The following EPHA3 variants were observed in gnomAD, a reference collection of about 807,000 sequenced individuals.
The protein encoded by EPHA3 is ephrin type-A receptor 3.
Under a neutral mutation model 107.1 loss-of-function variants are expected in EPHA3, and 42 were observed. That is an observed-to-expected ratio of 0.39 (90% CI 0.31 to 0.51). The LOEUF (loss-of-function observed/expected upper bound fraction) is 0.51. Ranked by LOEUF, EPHA3 falls within the 20% of genes least tolerant of loss-of-function variation. EPHA3 has a pLI of 0.78. For missense variants in EPHA3, 1,183 were observed against 1,211.2 expected (o/e 0.98, Z 0.35); for synonymous variants, 461 against 424.8 (o/e 1.09, Z -1.05).
At chr3:89,322,458 G>A (rs1433632599) in intron 3 of EPHA3, among the ~76,000 whole-genome samples, 5 of 152,030 alleles carry the variant, frequency 3.3e-5, no homozygotes, top group East Asian at 1.9e-4. Context: ...TCACCTTAGC[G>A]ATGGTACTGT....
intron 11 of EPHA3, among the ~76,000 whole-genome samples, chr3:89,426,165 G>T (rs926279421): frequency 6.6e-6 from 1 of 151,668 alleles, no homozygotes; most frequent in African/African-American, 2.4e-5. Flanking sequence ...GGAGGAAGAC[G>T]ATCATGTCAT....
chr3:89,454,058 G>C (rs1221978994), intron 15 of EPHA3, among the ~76,000 whole-genome samples: 1 of 151,918 alleles, frequency 6.6e-6, no homozygotes, highest in Non-Finnish European at 1.5e-5. Context: ...ATCACCAGGG[G>C]AACCTATTAC....
At chr3:89,212,183 A>G (rs1203034725) in intron 3 of EPHA3, among the ~76,000 whole-genome samples, 1 of 152,024 alleles carries the variant, frequency 6.6e-6, no homozygotes, top group Non-Finnish European at 1.5e-5. Flanking sequence ...TATGACTTTT[A>G]TTTAAATACA....
At chr3:89,459,545 T>TCTTC (rs1710177321) in intron 15 of EPHA3, among the ~76,000 whole-genome samples, 2 of 150,488 alleles carry the variant, frequency 1.3e-5, no homozygotes, top group African/African-American at 5.0e-5. Context: ...TTTCTTCCTT[T>TCTTC]CTTTCTTTCT....
intron 11 of EPHA3, among the ~76,000 whole-genome samples, chr3:89,425,209 CA>C (rs201001215): frequency 5.6e-4 from 84 of 148,688 alleles, no homozygotes; most frequent in Non-Finnish European, 8.5e-4. Flanking sequence ...AAGAAACCCA[CA>C]AAAAAAAATA....
chr3:89,245,413 G>A (rs575116720), intron 3 of EPHA3, among the ~76,000 whole-genome samples: 3 of 152,214 alleles, frequency 2.0e-5, no homozygotes, highest in African/African-American at 4.8e-5. Flanking sequence ...CTATTTTCAT[G>A]TCTGTATACT....
chr3:89,439,715 A>G (rs1709745323), intron 13 of EPHA3, among the ~76,000 whole-genome samples: 1 of 148,674 alleles, frequency 6.7e-6, no homozygotes, highest in East Asian at 2.0e-4. Context: ...AGCCAGACTC[A>G]TATTAAGGCA....
intron 3 of EPHA3, among the ~76,000 whole-genome samples, chr3:89,212,290 G>T (rs915636124): frequency 6.6e-6 from 1 of 151,756 alleles, no homozygotes; most frequent in South Asian, 2.1e-4. Context: ...CATGTTTCTG[G>T]GATCTGGGCA....
At chr3:89,135,068 G>C (rs552178889) in intron 2 of EPHA3, among the ~76,000 whole-genome samples, 1 of 152,148 alleles carries the variant, frequency 6.6e-6, no homozygotes, top group Non-Finnish European at 1.5e-5. Flanking sequence ...AATTGAGGCA[G>C]TTTAAACATA....
intron 2 of EPHA3, among the ~76,000 whole-genome samples, chr3:89,200,823 G>A (rs1380342770): frequency 3.3e-5 from 5 of 152,108 alleles, no homozygotes; most frequent in South Asian, 2.1e-4. Flanking sequence ...AGATGTGCCC[G>A]TTAGGTGAAC....
intron 15 of EPHA3, among the ~76,000 whole-genome samples, chr3:89,459,337 A>G (rs551181000): frequency 1.3e-3 from 195 of 152,336 alleles, no homozygotes; most frequent in African/African-American, 4.4e-3. Context: ...GCATAAAAGA[A>G]TGAAAACAAA....
chr3:89,279,400 A>G (rs1705888474), intron 3 of EPHA3, among the ~76,000 whole-genome samples: 1 of 152,170 alleles, frequency 6.6e-6, no homozygotes, highest in African/African-American at 2.4e-5. Context: ...TTATATTCAT[A>G]ATAACTTATG....
chr3:89,248,331 A>G (rs1352220072), intron 3 of EPHA3, among the ~76,000 whole-genome samples: 1 of 152,104 alleles, frequency 6.6e-6, no homozygotes, highest in Non-Finnish European at 1.5e-5. Context: ...GTTGATCACT[A>G]GACTCATTCT....
At chr3:89,147,876 G>A (rs1251872197) in intron 2 of EPHA3, among the ~76,000 whole-genome samples, 1 of 152,004 alleles carries the variant, frequency 6.6e-6, no homozygotes, top group East Asian at 1.9e-4. Flanking sequence ...TTCTTTGACA[G>A]TAGCATGGAG....
At chr3:89,351,766 T>G (rs1707826020) in intron 5 of EPHA3, among the ~76,000 whole-genome samples, 1 of 151,318 alleles carries the variant, frequency 6.6e-6, no homozygotes, top group Non-Finnish European at 1.5e-5. Flanking sequence ...AAGATACTAG[T>G]CAACTTTTGT....
At chr3:89,268,547 T>C (rs1576278034) in intron 3 of EPHA3, among the ~76,000 whole-genome samples, 2 of 152,076 alleles carry the variant, frequency 1.3e-5, no homozygotes, top group Non-Finnish European at 2.9e-5. Flanking sequence ...TCTGTTTTTT[T>C]TTAAGCCACC....
intron 1 of EPHA3, among the ~76,000 whole-genome samples, chr3:89,119,935 T>A (rs1332036440): frequency 2.6e-5 from 4 of 152,130 alleles, no homozygotes; most frequent in Admixed American, 6.5e-5. Flanking sequence ...TACATTAGAG[T>A]TATTCTGTAG....
At position 89,408,087 on chromosome 3, in the gene EPHA3, A is replaced by T. The variant is rs913193328; in HGVS notation, c.1718A>T (p.Lys573Ile). The T allele has an allele frequency of 6.2e-7, 1 of 1,612,868 alleles. No homozygotes were observed. Among genetic ancestry groups the T allele is most frequent in the African/African-American group, 1.3e-5 (1 of 74,852 alleles). The change falls in exon 9 of 17, where the codon AAA becomes ATA. Residue 573 changes from lysine to isoleucine, a missense_variant. Physicochemically the swap from Lys to Ile is moderately radical, Grantham distance 102. Coordinates refer to ENST00000336596, the MANE Select transcript of EPHA3 (RefSeq NM_005233.6). ...LIGRFCGYKS[K>I]HGADEKRLHF... is the part of the protein sequence containing the mutation. Reference sequence around the variant, plus strand: ...TCCAGGTTCTGTGGCTATAAGTCAAAACATGGGGCAGATGAAAAAAGACTT... The same window carrying T: ...TCCAGGTTCTGTGGCTATAAGTCAATACATGGGGCAGATGAAAAAAGACTT...
At chr3:89,356,744 A>T (rs1454936839) in intron 5 of EPHA3, among the ~76,000 whole-genome samples, 2 of 151,036 alleles carry the variant, frequency 1.3e-5, no homozygotes, top group African/African-American at 4.8e-5. Flanking sequence ...ATGTAATGGA[A>T]ATGACTGATT....
Sources: allele counts gnomAD v4.1 joint callset (sites outside exome capture counted in the v4.1 genomes callset), GRCh38; gene constraint gnomAD v4.1.1; transcripts MANE v1.5; gene names NCBI Gene and HGNC (gene_info 2026-07-23, HGNC 2026-07-21).